The following CTNNA3 variants were observed in gnomAD, a reference collection of about 807,000 sequenced individuals.
CTNNA3 encodes catenin alpha 3.
In CTNNA3, 76 loss-of-function variants were observed where a neutral mutation model predicts 95.7. The ratio of observed to expected loss-of-function variants is 0.79; its 90% CI spans 0.66 to 0.96. CTNNA3 has a LOEUF of 0.96. Among genes scored for constraint, CTNNA3 ranks in the 40% least tolerant of loss-of-function variants. The pLI, the probability that CTNNA3 is intolerant of heterozygous loss-of-function variation, is 0.00. For synonymous variants in CTNNA3, 431 were observed against 374.4 expected (o/e 1.15, Z -1.74); for missense variants, 1,191 against 1,089.8 (o/e 1.09, Z -1.31).
chr10:67,334,112 C>T lies in CTNNA3; in HGVS notation c.580-114242G>A, dbSNP rs1449048051. 3 of 152,382 alleles carry T rather than the reference C, an allele frequency of 2.0e-5. No individual in the cohort carries two copies. The East Asian group carries it at 5.8e-4, about 29-fold the overall frequency. 9.4% of individuals were successfully genotyped at this position (152,382 alleles called of 1,614,324 possible). On this transcript the variant is annotated intron_variant, in intron 5 of 17. Transcript: ENST00000433211. Reference sequence around the variant, plus strand: ...TGGTCTTGTTGCTTCCTCCAGCCACCCAAGCTGCTGAAAGGAAAGAAGGCC... The same window carrying T: ...TGGTCTTGTTGCTTCCTCCAGCCACTCAAGCTGCTGAAAGGAAAGAAGGCC...
chr10:67,036,401 G>A (rs1854057349), intron 7 of CTNNA3, among the ~76,000 whole-genome samples: 2 of 151,854 alleles, frequency 1.3e-5, no homozygotes, highest in African/African-American at 4.8e-5. Flanking sequence ...CCCAAGTAGC[G>A]ACACCTGTAA....
intron 10 of CTNNA3, among the ~76,000 whole-genome samples, chr10:66,536,804 T>G (rs543840615): frequency 1.1e-4 from 17 of 152,296 alleles, no homozygotes; most frequent in African/African-American, 3.6e-4. Flanking sequence ...GTACTTATTC[T>G]TCATTGAGCG....
intron 13 of CTNNA3, among the ~76,000 whole-genome samples, chr10:66,274,115 G>T (rs1000870268): frequency 6.6e-6 from 1 of 152,106 alleles, no homozygotes; most frequent in African/African-American, 2.4e-5. Flanking sequence ...TCTGTAAAGG[G>T]TCAGGTAGTA....
intron 8 of CTNNA3, among the ~76,000 whole-genome samples, chr10:66,768,617 A>C (rs1839959920): frequency 6.6e-6 from 1 of 152,120 alleles, no homozygotes; most frequent in Admixed American, 6.6e-5. Context: ...GATTTCATTC[A>C]ATTCAGTAAA....
At chr10:66,439,809 T>C (rs1170691627) in intron 11 of CTNNA3, among the ~76,000 whole-genome samples, 2 of 152,156 alleles carry the variant, frequency 1.3e-5, no homozygotes, top group African/African-American at 4.8e-5. Context: ...TTAGATCATA[T>C]ATAAGGGCTG....
At chr10:67,068,357 G>A (rs969094959) in intron 7 of CTNNA3, among the ~76,000 whole-genome samples, 1 of 152,158 alleles carries the variant, frequency 6.6e-6, no homozygotes, top group Non-Finnish European at 1.5e-5. Flanking sequence ...AGGTTTGGGG[G>A]AAAGGTAGGA....
At chr10:65,989,309 T>A (rs985737200) in intron 15 of CTNNA3, among the ~76,000 whole-genome samples, 1 of 152,288 alleles carries the variant, frequency 6.6e-6, no homozygotes. Context: ...TATTATTTTT[T>A]AATGCCAGCC....
intron 3 of CTNNA3, among the ~76,000 whole-genome samples, chr10:67,567,339 A>G (rs1262924373): frequency 1.3e-5 from 2 of 152,034 alleles, no homozygotes; most frequent in African/African-American, 4.8e-5. Flanking sequence ...CAAGCCAGGG[A>G]CAAAAAGACA....
chr10:66,161,884 G>C (rs2084867857), intron 13 of CTNNA3, among the ~76,000 whole-genome samples: 1 of 151,984 alleles, frequency 6.6e-6, no homozygotes, highest in Non-Finnish European at 1.5e-5. Context: ...CTTGGAGGCT[G>C]TGTTCATATT....
chr10:66,053,713 TG>T (rs1376530396), intron 15 of CTNNA3, among the ~76,000 whole-genome samples: 1 of 152,100 alleles, frequency 6.6e-6, no homozygotes, highest in African/African-American at 2.4e-5. Context: ...TAACATATAA[TG>T]ATTAAATAAG....
At chr10:66,444,676 A>C (rs2093404460) in intron 11 of CTNNA3, among the ~76,000 whole-genome samples, 2 of 152,210 alleles carry the variant, frequency 1.3e-5, no homozygotes, top group South Asian at 2.1e-4. Flanking sequence ...TGAAGGAAGC[A>C]CTAAACATGG....
At chr10:67,416,405 G>A (rs890339535) in intron 5 of CTNNA3, among the ~76,000 whole-genome samples, 1 of 151,710 alleles carries the variant, frequency 6.6e-6, no homozygotes, top group African/African-American at 2.4e-5. Context: ...TCAGGAGATC[G>A]AGACCATCCT....
At chr10:66,865,018 A>G (rs1238155002) in intron 7 of CTNNA3, among the ~76,000 whole-genome samples, 1 of 152,114 alleles carries the variant, frequency 6.6e-6, no homozygotes, top group African/African-American at 2.4e-5. Flanking sequence ...AAACCATAAA[A>G]TATTGGAAAG....
rs186212272 is a variant in CTNNA3 at position 67,607,713 on chromosome 10, C to T, written c.100-664G>A. ...CACCTACAAAAGTCAAGTCATGGCA[C>T]CAAGAACAGCAACAGCAGCCACCGT... On this transcript the variant is annotated intron_variant, in intron 2 of 17. Transcript: ENST00000433211. Among the ~76,000 whole-genome samples, 279 of 152,226 alleles carry T rather than the reference C, an allele frequency of 1.8e-3. 1 individual carries two copies. The highest frequency in any genetic ancestry group is 3.4e-3 in the Middle Eastern group (1 of 292).
intron 5 of CTNNA3, among the ~76,000 whole-genome samples, chr10:67,389,555 G>A (rs367594655): frequency 1.5e-4 from 22 of 151,524 alleles, no homozygotes; most frequent in South Asian, 2.1e-4. Flanking sequence ...TGCACCAAGC[G>A]GACCTAATAG....
At chr10:67,585,590 A>G (rs572683138) in intron 3 of CTNNA3, among the ~76,000 whole-genome samples, 3 of 151,978 alleles carry the variant, frequency 2.0e-5, no homozygotes, top group South Asian at 2.1e-4. Context: ...GAATTTCTCC[A>G]TTTCTTCTAG....
At chr10:66,352,462 G>T (rs2092574129) in intron 12 of CTNNA3, among the ~76,000 whole-genome samples, 1 of 152,116 alleles carries the variant, frequency 6.6e-6, no homozygotes, top group Admixed American at 6.6e-5. Flanking sequence ...GCAGTAGGAA[G>T]CAAATACAAC....
chr10:66,338,988 CAT>C (rs1191533240), intron 12 of CTNNA3, among the ~76,000 whole-genome samples: 2 of 151,872 alleles, frequency 1.3e-5, no homozygotes, highest in Non-Finnish European at 2.9e-5. Flanking sequence ...ACTACATTCA[CAT>C]AGTGAACTAT....
At chr10:66,132,883 C>A (rs2083182576) in intron 13 of CTNNA3, among the ~76,000 whole-genome samples, 1 of 152,024 alleles carries the variant, frequency 6.6e-6, no homozygotes, top group South Asian at 2.1e-4. Flanking sequence ...GAACGACAGA[C>A]ACTGGGGACT....
Sources: allele counts gnomAD v4.1 joint callset (sites outside exome capture counted in the v4.1 genomes callset), GRCh38; gene constraint gnomAD v4.1.1; transcripts MANE v1.5; gene names NCBI Gene and HGNC (gene_info 2026-07-23, HGNC 2026-07-21).